The following NXPH1 variants were observed in gnomAD, a reference collection of about 807,000 sequenced individuals.
The protein encoded by NXPH1 is neurexophilin 1.
Under a neutral mutation model 23.7 loss-of-function variants are expected in NXPH1, and 5 were observed. The ratio of observed to expected loss-of-function variants is 0.21; its 90% CI spans 0.11 to 0.44. The LOEUF is 0.44. NXPH1 is among the 20% of genes least tolerant of loss of function. The pLI, the probability that NXPH1 is intolerant of heterozygous loss-of-function variation, is 0.99. For missense variants in NXPH1, 324 were observed against 321.6 expected (o/e 1.01, Z -0.06); for synonymous variants, 144 against 122.2 (o/e 1.18, Z -1.18).
chr7:8,682,364 C>T (rs758242951), intron 2 of NXPH1, among the ~76,000 whole-genome samples: 4 of 152,170 alleles, frequency 2.6e-5, no homozygotes, highest in Admixed American at 2.6e-4. Context: ...TTTAAAAGCA[C>T]ACTAAAGGAT....
chr7:8,620,477 C>G (rs1403515661), intron 2 of NXPH1, among the ~76,000 whole-genome samples: 2 of 152,148 alleles, frequency 1.3e-5, no homozygotes, highest in Non-Finnish European at 2.9e-5. Context: ...CCAGAGCCAA[C>G]CAGATCTCAT....
chr7:8,600,469 C>T (rs1819333385), intron 2 of NXPH1, among the ~76,000 whole-genome samples: 3 of 152,140 alleles, frequency 2.0e-5, no homozygotes, highest in Admixed American at 1.3e-4. Flanking sequence ...ATCTACTTGA[C>T]GTACCTCTGT....
intron 2 of NXPH1, among the ~76,000 whole-genome samples, chr7:8,615,235 A>G (rs1819710477): frequency 6.6e-6 from 1 of 152,056 alleles, no homozygotes; most frequent in Non-Finnish European, 1.5e-5. Context: ...CTAAATCTTT[A>G]ATAAAATTGT....
At chr7:8,588,413 G>A (rs1056284149) in intron 2 of NXPH1, among the ~76,000 whole-genome samples, 2 of 152,034 alleles carry the variant, frequency 1.3e-5, no homozygotes, top group African/African-American at 2.4e-5. Context: ...TGGGATATCT[G>A]ATATAAATCA....
At chr7:8,722,525 G>A (rs1562465343) in intron 2 of NXPH1, among the ~76,000 whole-genome samples, 1 of 152,204 alleles carries the variant, frequency 6.6e-6, no homozygotes, top group African/African-American at 2.4e-5. Context: ...ACCCCGAGGT[G>A]TAATTGCAAT....
intron 2 of NXPH1, among the ~76,000 whole-genome samples, chr7:8,613,520 G>A (rs1012551700): frequency 5.3e-5 from 8 of 151,918 alleles, no homozygotes; most frequent in Non-Finnish European, 1.2e-4. Context: ...TAAGACACTT[G>A]ATGTAGCTTT....
chr7:8,631,819 A>C lies in NXPH1; in HGVS notation c.55-119189A>C, dbSNP rs1475053967. Among the ~76,000 whole-genome samples, 180 of 152,228 alleles carry C rather than the reference A, an allele frequency of 1.2e-3. 3 individuals carry two copies. Among genetic ancestry groups the C allele is most frequent in the Non-Finnish European group, 1.3e-4 (9 of 68,040 alleles). On this transcript the variant is annotated intron_variant, in intron 2 of 2. Transcript: ENST00000405863. ...TAATTTCTAACATTCTCTTATTAGA[A>C]GCAAGTTATACCTTAGAAGTGTTGT...
At chr7:8,512,135 G>T (rs1004320075) in intron 2 of NXPH1, among the ~76,000 whole-genome samples, 1 of 152,132 alleles carries the variant, frequency 6.6e-6, no homozygotes, top group African/African-American at 2.4e-5. Flanking sequence ...CAGAGGGATT[G>T]CTGTGGCTCC....
At chr7:8,598,476 G>A (rs10235389) in intron 2 of NXPH1, among the ~76,000 whole-genome samples, 10 of 152,002 alleles carry the variant, frequency 6.6e-5, no homozygotes, top group African/African-American at 1.7e-4. Context: ...TCTTTGTCAC[G>A]TTTCCCCTCT....
intron 2 of NXPH1, among the ~76,000 whole-genome samples, chr7:8,494,213 A>AT (rs141332633): frequency 0.091 from 13,834 of 151,654 alleles, 810 homozygotes; most frequent in Non-Finnish European, 0.13. Context: ...TAGGAGAATG[A>AT]TTTTTTTTGG....
Position 8,751,781 on chromosome 7 carries a change from G to T in NXPH1, c.*12G>T. On this transcript the variant is annotated 3_prime_UTR_variant, in exon 3 of 3. Coordinates refer to ENST00000405863, the MANE Select transcript of NXPH1 (RefSeq NM_152745.3). This position sits in a 1 kb window ranked among gnomAD's most constrained non-coding sequence, Gnocchi z 4.5. The stretch of plus-strand genomic sequence containing the variant: ...TTCCCTCGGGATGAAGGTGAACATG[G>T]GGGTGAGACTGAAGCCTGAGGAATT... 2 of 1,598,376 alleles carry T rather than the reference G, an allele frequency of 1.3e-6. No individual in the cohort carries two copies. Among genetic ancestry groups the T allele is most frequent in the Non-Finnish European group, 8.5e-7 (1 of 1,173,048 alleles).
At chr7:8,528,554 T>C (rs1252380377) in intron 2 of NXPH1, among the ~76,000 whole-genome samples, 3 of 152,238 alleles carry the variant, frequency 2.0e-5, no homozygotes, top group South Asian at 4.1e-4. Context: ...AGTCTTTATC[T>C]GAAAGGATGC....
chr7:8,714,359 G>C (rs906576342), intron 2 of NXPH1, among the ~76,000 whole-genome samples: 1 of 151,844 alleles, frequency 6.6e-6, no homozygotes, highest in Admixed American at 6.6e-5. Flanking sequence ...TCTGGCCCAG[G>C]ATAGGTCCAG....
At chr7:8,643,864 G>A (rs973358569) in intron 2 of NXPH1, among the ~76,000 whole-genome samples, 7 of 152,038 alleles carry the variant, frequency 4.6e-5, no homozygotes, top group African/African-American at 1.7e-4. Flanking sequence ...TTAAAACTAT[G>A]TGGATTTGGC....
chr7:8,475,655 G>C (rs1171323986), intron 2 of NXPH1, among the ~76,000 whole-genome samples: 2 of 151,946 alleles, frequency 1.3e-5, no homozygotes, highest in Non-Finnish European at 2.9e-5. Flanking sequence ...TTTCTTCTTT[G>C]GTGGGAAGCT....
At chr7:8,633,194 AG>A (rs1400275527) in intron 2 of NXPH1, among the ~76,000 whole-genome samples, 1 of 152,184 alleles carries the variant, frequency 6.6e-6, no homozygotes, top group African/African-American at 2.4e-5. Context: ...TCACTTTGGG[AG>A]GATGAGGCAG....
At chr7:8,663,027 T>A (rs768961768) in intron 2 of NXPH1, among the ~76,000 whole-genome samples, 1 of 152,072 alleles carries the variant, frequency 6.6e-6, no homozygotes, top group Non-Finnish European at 1.5e-5. Context: ...TGAACTGATA[T>A]GGATAGAATA....
chr7:8,629,113 G>C (rs1820065289), intron 2 of NXPH1, among the ~76,000 whole-genome samples: 1 of 151,962 alleles, frequency 6.6e-6, no homozygotes, highest in Admixed American at 6.6e-5. Context: ...GTTCCATTAT[G>C]AAAATGATTG....
intron 2 of NXPH1, among the ~76,000 whole-genome samples, chr7:8,680,295 T>C (rs1327434893): frequency 6.6e-6 from 1 of 152,190 alleles, no homozygotes; most frequent in Non-Finnish European, 1.5e-5. Context: ...GAGGGATAGT[T>C]TGTTTCAGAT....
Sources: gnomAD v4.1 joint callset for allele counts (sites outside exome capture counted in the v4.1 genomes callset) on GRCh38, gnomAD v4.1.1 for gene constraint, Gnocchi (gnomAD v3.1) non-coding constraint, MANE v1.5 for transcripts, NCBI Gene and HGNC (gene_info 2026-07-23, HGNC 2026-07-21) for gene names.